Variants in GCNT2 observed in about 807,000 individuals in gnomAD.
GCNT2 encodes the protein N-acetyllactosaminide beta-1,6-N-acetylglucosaminyl-transferase.
In GCNT2, 34 loss-of-function variants were observed where a neutral mutation model predicts 34.2. The ratio of observed to expected loss-of-function variants is 1.00; its 90% CI spans 0.76 to 1.32. GCNT2 has a LOEUF of 1.32. GCNT2 is among the 40% of genes most tolerant of loss of function. GCNT2 has a pLI of 0.00. For synonymous variants in GCNT2, 212 were observed against 188.0 expected, an observed-to-expected ratio of 1.13 and a Z score of -1.04; for missense variants, 584 against 489.4, an observed-to-expected ratio of 1.19 and a Z score of -1.82.
intron 3 of GCNT2, chr6:10,556,927 C>G: frequency 6.2e-7 from 1 of 1,614,164 alleles, no homozygotes; most frequent in South Asian, 1.1e-5. Flanking sequence ...TCCAGGCTGA[C>G]CTGAACTGCA....
intron 3 of GCNT2, chr6:10,585,817 A>G: frequency 2.8e-6 from 4 of 1,451,814 alleles, no homozygotes; most frequent in Non-Finnish European, 9.0e-7. Context: ...AAAAGGATGG[A>G]CGAGACACCG....
chr6:10,536,754 A>G (rs1293747876), intron 3 of GCNT2, among the ~76,000 whole-genome samples: 1 of 138,292 alleles, frequency 7.2e-6, no homozygotes, highest in African/African-American at 2.8e-5. Flanking sequence ...CCCAGGCTGG[A>G]GTACAGTGGC....
chr6:10,548,657 C>T (rs1214574163), intron 3 of GCNT2, among the ~76,000 whole-genome samples: 2 of 152,298 alleles, frequency 1.3e-5, no homozygotes, highest in East Asian at 3.9e-4. Context: ...TTCTATCTGG[C>T]TTGCTTTTGT....
intron 3 of GCNT2, among the ~76,000 whole-genome samples, chr6:10,611,811 G>T (rs1351582453): frequency 1.3e-5 from 2 of 152,086 alleles, no homozygotes; most frequent in Admixed American, 6.6e-5. Context: ...ATAAAGCTTA[G>T]ATGTATATCA....
chr6:10,582,203 A>T (rs1293454105), intron 3 of GCNT2, among the ~76,000 whole-genome samples: 1 of 120,856 alleles, frequency 8.3e-6, no homozygotes, highest in African/African-American at 3.0e-5. Flanking sequence ...ATAATATATA[A>T]AATTTATTAT....
chr6:10,522,635 A>G (rs72821513), intron 1 of GCNT2, among the ~76,000 whole-genome samples: 2,285 of 152,254 alleles, frequency 0.015, 27 homozygotes, highest in South Asian at 0.026. Flanking sequence ...AAGGGAGGCT[A>G]TATTCTTTCA....
Position 10,589,102 on chromosome 6 carries a change from AGTGTGTGTGTGGTGTGT to A in GCNT2, c.926-32244_926-32228del, listed in dbSNP as rs1220013854. ...CGTGTTTGTAGTGTGGTGTGTGTGT[AGTGTGTGTGTGGTGTGT>A]GTGTATGTGTGGTGTGGTTATGTGG... On this transcript the variant is annotated intron_variant, in intron 3 of 4. Coordinates refer to ENST00000495262, the MANE Select transcript of GCNT2 (RefSeq NM_145649.5). Among the ~76,000 whole-genome samples, 3 of 103,846 alleles carry A rather than the reference AGTGTGTGTGTGGTGTGT, an allele frequency of 2.9e-5. No individual in the cohort carries two copies. In the East Asian group the frequency reaches 8.2e-4, roughly 28 times the overall value. 68.1% of individuals were successfully genotyped at this position (103,846 alleles called of 152,430 possible).
At chr6:10,553,673 C>G (rs1053870956) in intron 3 of GCNT2, among the ~76,000 whole-genome samples, 1 of 152,136 alleles carries the variant, frequency 6.6e-6, no homozygotes, top group Non-Finnish European at 1.5e-5. Flanking sequence ...GTGGGCGGAT[C>G]GCTTGAGCCC....
chr6:10,582,319 TTAAA>T (rs1432399944), intron 3 of GCNT2, among the ~76,000 whole-genome samples: 1 of 107,492 alleles, frequency 9.3e-6, no homozygotes, highest in Non-Finnish European at 1.6e-5. Context: ...TATAGTAATA[TTAAA>T]TATAATATAT....
intron 3 of GCNT2, among the ~76,000 whole-genome samples, chr6:10,571,725 G>A (rs1332083588): frequency 6.6e-6 from 1 of 152,080 alleles, no homozygotes; most frequent in Non-Finnish European, 1.5e-5. Context: ...ATATCCACTG[G>A]AAAACATCTG....
chr6:10,582,445 A>T (rs1764153826), intron 3 of GCNT2, among the ~76,000 whole-genome samples: 1 of 127,160 alleles, frequency 7.9e-6, no homozygotes, highest in African/African-American at 3.1e-5. Flanking sequence ...AATATTTATT[A>T]TATAATATAT....
At chr6:10,537,615 C>A (rs936351850) in intron 3 of GCNT2, among the ~76,000 whole-genome samples, 1 of 141,302 alleles carries the variant, frequency 7.1e-6, no homozygotes, top group Non-Finnish European at 1.5e-5. Flanking sequence ...GCAGGGGAAT[C>A]GCTTAAACCC....
chr6:10,556,923 C>T, intron 3 of GCNT2: 2 of 1,614,136 alleles, frequency 1.2e-6, no homozygotes, highest in Non-Finnish European at 1.7e-6. Context: ...AGGCTCCAGG[C>T]TGACCTGAAC....
intron 3 of GCNT2, among the ~76,000 whole-genome samples, chr6:10,611,652 T>C (rs1765562680): frequency 6.6e-6 from 1 of 152,018 alleles, no homozygotes; most frequent in African/African-American, 2.4e-5. Flanking sequence ...TTTCCAAAAA[T>C]GACCCAAATT....
chr6:10,556,743 C>A (rs1762726389), intron 3 of GCNT2: 1 of 1,614,148 alleles, frequency 6.2e-7, no homozygotes, highest in Non-Finnish European at 8.5e-7. Context: ...CACTTTGACA[C>A]CTTTGCAAGG....
intron 1 of GCNT2, among the ~76,000 whole-genome samples, chr6:10,525,483 G>T (rs896896159): frequency 6.6e-6 from 1 of 152,212 alleles, no homozygotes; most frequent in African/African-American, 2.4e-5. Context: ...AAACGCAAGA[G>T]CCTAGAGCCC....
chr6:10,549,981 C>T (rs1157035572), intron 3 of GCNT2, among the ~76,000 whole-genome samples: 1 of 152,108 alleles, frequency 6.6e-6, no homozygotes, highest in Non-Finnish European at 1.5e-5. Context: ...AAATTTTGCT[C>T]TAGTGGTTAG....
chr6:10,575,109 G>A (rs1243051018), intron 3 of GCNT2: 2 of 488,350 alleles, frequency 4.1e-6, no homozygotes, highest in South Asian at 2.2e-5. Context: ...CTTGATGCCT[G>A]CAATGTCACC....
rs1383696782 is a variant in GCNT2 at position 10,582,533 on chromosome 6, TATTA to T, written c.926-38817_926-38814del. On this transcript the variant is annotated intron_variant, in intron 3 of 4. Transcript: ENST00000495262. ...ATCATATATTATATTATACATCATA[TATTA>T]TATATCATGTATAATATATATCATA... is the stretch of plus-strand genomic sequence containing the variant. Among the ~76,000 whole-genome samples the T allele has an allele frequency of 2.4e-5, 3 of 126,286 alleles. No homozygotes were observed. In the East Asian group the frequency reaches 6.2e-4, roughly 26 times the overall value. 82.8% of individuals were successfully genotyped at this position (126,286 alleles called of 152,430 possible).
Sources: allele counts gnomAD v4.1 joint callset (sites outside exome capture counted in the v4.1 genomes callset), GRCh38; gene constraint gnomAD v4.1.1; transcripts MANE v1.5; gene names NCBI Gene and HGNC (gene_info 2026-07-23, HGNC 2026-07-21).